Variants in ITPRID1 observed in about 807,000 individuals in gnomAD.
ITPRID1 encodes the protein protein ITPRID1.
ITPRID1 carries 96 observed loss-of-function variants against 95.4 expected under a neutral mutation model. That is an observed-to-expected ratio of 1.01 (90% CI 0.85 to 1.19). ITPRID1 has a LOEUF of 1.19. Among genes scored for constraint, ITPRID1 ranks in the 50% most tolerant of loss-of-function variants. The pLI, the probability that ITPRID1 is intolerant of heterozygous loss-of-function variation, is 0.00. For missense variants in ITPRID1, 1,339 were observed against 1,252.9 expected, an observed-to-expected ratio of 1.07 and a Z score of -1.04; for synonymous variants, 510 against 453.6, an observed-to-expected ratio of 1.12 and a Z score of -1.58.
intron 1 of ITPRID1, among the ~76,000 whole-genome samples, chr7:31,519,851 A>G (rs1562543377): frequency 6.6e-6 from 1 of 151,786 alleles, no homozygotes; most frequent in Non-Finnish European, 1.5e-5. Flanking sequence ...CTCTATTATT[A>G]ACATCTTAAA....
At chr7:31,613,252 G>A (rs950910815) in intron 10 of ITPRID1, among the ~76,000 whole-genome samples, 13 of 152,090 alleles carry the variant, frequency 8.5e-5, no homozygotes, top group East Asian at 1.9e-4. Context: ...AAAGTGCCAC[G>A]AAGTTCACTG....
At chr7:31,623,786 G>C (rs1788164935) in intron 10 of ITPRID1, among the ~76,000 whole-genome samples, 1 of 151,774 alleles carries the variant, frequency 6.6e-6, no homozygotes, top group Non-Finnish European at 1.5e-5. Flanking sequence ...TTAGGCAGGA[G>C]AAGGAAATAA....
chr7:31,645,925 G>T (rs27325), intron 12 of ITPRID1, among the ~76,000 whole-genome samples: 1 of 152,050 alleles, frequency 6.6e-6, no homozygotes, highest in Non-Finnish European at 1.5e-5. Flanking sequence ...ACCCGATCAC[G>T]TAGTTTGTAA....
chr7:31,520,659 T>C (rs1182983260), intron 1 of ITPRID1, among the ~76,000 whole-genome samples: 1 of 151,896 alleles, frequency 6.6e-6, no homozygotes, highest in East Asian at 1.9e-4. Flanking sequence ...AGACCTAGAA[T>C]CAGAATGGTT....
chr7:31,656,650 G>A (rs1791320234), downstream of ITPRID1: 1 of 249,398 alleles, frequency 4.0e-6, no homozygotes, highest in African/African-American at 2.3e-5. Context: ...TATGGTAGAA[G>A]CACGGTTATA....
chr7:31,604,336 G>A (rs1023829623), intron 10 of ITPRID1, among the ~76,000 whole-genome samples: 1 of 152,170 alleles, frequency 6.6e-6, no homozygotes, highest in Non-Finnish European at 1.5e-5. Flanking sequence ...TTCAGCAAGG[G>A]TGTAACTGAG....
intron 12 of ITPRID1, among the ~76,000 whole-genome samples, chr7:31,649,874 C>T (rs1790797779): frequency 6.6e-6 from 1 of 152,262 alleles, no homozygotes; most frequent in South Asian, 2.1e-4. Flanking sequence ...TGTTCAGCAA[C>T]TACTGACAGC....
At chr7:31,532,689 C>T (rs967764496) in intron 1 of ITPRID1, among the ~76,000 whole-genome samples, 10 of 152,034 alleles carry the variant, frequency 6.6e-5, no homozygotes, top group African/African-American at 1.9e-4. Flanking sequence ...ATGAGAAATG[C>T]GCTTGCAAGG....
intron 5 of ITPRID1, among the ~76,000 whole-genome samples, chr7:31,563,950 TC>T (rs1194593424): frequency 6.6e-6 from 1 of 152,178 alleles, no homozygotes; most frequent in African/African-American, 2.4e-5. Context: ...GCTGACTGCC[TC>T]TACTAAGTGT....
chr7:31,569,819 A>G lies in ITPRID1; in HGVS notation c.308+10A>G. ...TGAAAGACTACATGAGGTAGGTAGC[A>G]GAATCAGTGTTACTTCATGCCAATA... On this transcript the variant is annotated intron_variant, in intron 6 of 14. Coordinates refer to ENST00000615280, the MANE Select transcript of ITPRID1 (RefSeq NM_001257967.3). 6.3e-7 allele frequency: 1 copy of G among 1,578,930 alleles called. No homozygotes were observed. The highest frequency in any genetic ancestry group is 8.6e-7 in the Non-Finnish European group (1 of 1,160,814).
At chr7:31,549,631 C>A in intron 2 of ITPRID1, 132 bp downstream of exon 2, 1 of 574,048 alleles carries the variant, frequency 1.7e-6, no homozygotes. Context: ...TGTCAGAAAG[C>A]AGCAGAGCTG....
intron 5 of ITPRID1, among the ~76,000 whole-genome samples, chr7:31,557,011 A>G (rs1361358165): frequency 1.3e-5 from 2 of 151,900 alleles, no homozygotes; most frequent in Non-Finnish European, 2.9e-5. Flanking sequence ...TTGCAGCTAC[A>G]TAACTCCTTT....
At chr7:31,522,587 C>T (rs1359941157) in intron 1 of ITPRID1, among the ~76,000 whole-genome samples, 5 of 152,176 alleles carry the variant, frequency 3.3e-5, no homozygotes, top group South Asian at 4.1e-4. Flanking sequence ...TGCATTCTTT[C>T]GAGGATCCTT....
chr7:31,535,587 T>G (rs1230494937), intron 1 of ITPRID1, among the ~76,000 whole-genome samples: 1 of 152,116 alleles, frequency 6.6e-6, no homozygotes, highest in Non-Finnish European at 1.5e-5. Flanking sequence ...GTCAGTTTTC[T>G]AACTCATATA....
At chr7:31,564,546 G>T (rs1784731557) in intron 5 of ITPRID1, among the ~76,000 whole-genome samples, 1 of 152,228 alleles carries the variant, frequency 6.6e-6, no homozygotes, top group East Asian at 1.9e-4. Context: ...ATAGAATTGA[G>T]GAAGACCCTA....
Position 31,577,963 on chromosome 7 carries a change from T to C in ITPRID1, c.699T>C (p.Ala233=). Reference sequence around the variant, plus strand: ...TGCCAAACAGAGCTGAAGAGAAAGCTGGAGGAGAGAGTGTGCAAAGAACCT... The same window carrying C: ...TGCCAAACAGAGCTGAAGAGAAAGCCGGAGGAGAGAGTGTGCAAAGAACCT... The part of the protein sequence containing the change: ...SILPNRAEEK[A]GGESVQRTSV... Residue 233 remains alanine (A), a synonymous_variant, in exon 9 of 15, where the codon GCT becomes GCC. Coordinates refer to ENST00000615280, the MANE Select transcript of ITPRID1 (RefSeq NM_001257967.3). 3.1e-6 allele frequency: 5 copies of C among 1,613,724 alleles called. No individual in the cohort carries two copies. The highest frequency in any genetic ancestry group is 3.4e-6 in the Non-Finnish European group (4 of 1,179,790).
intron 10 of ITPRID1, among the ~76,000 whole-genome samples, chr7:31,633,349 A>G (rs1056101869): frequency 6.6e-6 from 1 of 152,168 alleles, no homozygotes; most frequent in African/African-American, 2.4e-5. Flanking sequence ...GAATTTCCTA[A>G]AACGTATGAT....
At chr7:31,516,600 G>A (rs1428105247) in intron 1 of ITPRID1, among the ~76,000 whole-genome samples, 1 of 151,882 alleles carries the variant, frequency 6.6e-6, no homozygotes, top group Non-Finnish European at 1.5e-5. Flanking sequence ...AGATTTGAAT[G>A]TAAGTCTGTC....
chr7:31,583,204 C>A lies in ITPRID1; in HGVS notation c.1228+13C>A. 6.3e-7 allele frequency: 1 copy of A among 1,585,664 alleles called. No individual in the cohort carries two copies. ...TCAGGAACTGTAGGTAAGAATTCAT[C>A]AAGGTGTGTGATCTCATCAATGGTC... On this transcript the variant is annotated intron_variant, in intron 10 of 14. Transcript: ENST00000615280.
Sources: gnomAD v4.1 joint callset for allele counts (sites outside exome capture counted in the v4.1 genomes callset) on GRCh38, gnomAD v4.1.1 for gene constraint, MANE v1.5 for transcripts, NCBI Gene and HGNC (gene_info 2026-07-23, HGNC 2026-07-21) for gene names.